The following SLIRP variants were observed in gnomAD, a reference collection of about 807,000 sequenced individuals.
SLIRP encodes the protein SRA stem-loop interacting RNA binding protein.
Under a neutral mutation model 13.4 loss-of-function variants are expected in SLIRP, and 12 were observed. The observed-to-expected ratio is 0.89, with a 90% CI of 0.57 to 1.45. SLIRP has a LOEUF of 1.45. Ranked by LOEUF, SLIRP falls within the 40% of genes most tolerant of loss-of-function variation. The pLI, the probability that SLIRP is intolerant of heterozygous loss-of-function variation, is 0.00. For missense variants in SLIRP, 154 were observed against 132.2 expected (o/e 1.17, Z -0.81); for synonymous variants, 55 against 47.1 (o/e 1.17, Z -0.69).
chr14:77,711,112 AG>A (rs2080436878), intron 2 of SLIRP, among the ~76,000 whole-genome samples: 1 of 151,888 alleles, frequency 6.6e-6, no homozygotes, highest in African/African-American at 2.4e-5. Context: ...TAAATGCTTG[AG>A]GGGATAGATA....
At chr14:77,713,509 A>G (rs1393005865) in intron 2 of SLIRP, among the ~76,000 whole-genome samples, 1 of 152,180 alleles carries the variant, frequency 6.6e-6, no homozygotes, top group African/African-American at 2.4e-5. Flanking sequence ...CTGGCACTCA[A>G]GTTGTTGAGA....
chr14:77,708,275 T>C, intron 1 of SLIRP, 67 bp downstream of exon 1: 1 of 1,517,988 alleles, frequency 6.6e-7, no homozygotes. Context: ...CTTCTGCTTT[T>C]TGCAGGGTAC....
At chr14:77,714,660 A>G (rs368921820) in intron 2 of SLIRP, among the ~76,000 whole-genome samples, 1 of 152,222 alleles carries the variant, frequency 6.6e-6, no homozygotes, top group Non-Finnish European at 1.5e-5. Flanking sequence ...CAATAAAGGA[A>G]TGCTTTAGAA....
intron 1 of SLIRP, among the ~76,000 whole-genome samples, chr14:77,709,437 C>G (rs1383179245): frequency 1.3e-5 from 2 of 152,200 alleles, no homozygotes; most frequent in African/African-American, 2.4e-5. Flanking sequence ...TAAAGTCTCC[C>G]GTAGTCCCTG....
At chr14:77,708,592 G>A (rs1165087452) in intron 1 of SLIRP, among the ~76,000 whole-genome samples, 1 of 152,202 alleles carries the variant, frequency 6.6e-6, no homozygotes, top group East Asian at 1.9e-4. Flanking sequence ...ACCTGAATTA[G>A]GGCGATGGTA....
At chr14:77,709,446 T>C (rs1422201708) in intron 1 of SLIRP, among the ~76,000 whole-genome samples, 1 of 152,220 alleles carries the variant, frequency 6.6e-6, no homozygotes, top group Non-Finnish European at 1.5e-5. Context: ...CCGTAGTCCC[T>C]GTGAAACTTT....
Position 77,708,128 on chromosome 14 carries a change from C to G in SLIRP, c.17C>G (p.Ala6Gly). 3 of 1,614,092 alleles carry G rather than the reference C, an allele frequency of 1.9e-6. No individual in the cohort carries two copies. Among genetic ancestry groups the G allele is most frequent in the Non-Finnish European group, 2.5e-6 (3 of 1,180,022 alleles). ...AGTCTGAAGATGGCGGCCTCAGCAG[C>G]GAGAGGTGCTGCGGCGCTGCGTAGA... MAASA[A>G]RGAAALRRSI... Residue 6 changes from alanine (A) to glycine (G), a missense_variant, in exon 1 of 4, where the codon GCG becomes GGG. Transcript: ENST00000557342.
chr14:77,708,154 A>C lies in SLIRP; in HGVS notation c.43A>C (p.Ser15Arg). The change falls in exon 1 of 4, where the codon AGT becomes CGT. Residue 15 changes from serine to arginine, a missense_variant. By Grantham distance (110) the Ser-to-Arg change is moderately radical. Transcript: ENST00000557342. ...AARGAAALRR[S>R]INQPVAFVRR... ...GAGAGGTGCTGCGGCGCTGCGTAGAAGTATCAATCAGCCGGTTGCTTTTGT... is the reference window on the plus strand; with the variant it reads ...GAGAGGTGCTGCGGCGCTGCGTAGACGTATCAATCAGCCGGTTGCTTTTGT... The C allele has an allele frequency of 1.2e-6, 2 of 1,614,206 alleles. No individual in the cohort carries two copies. Among genetic ancestry groups the C allele is most frequent in the Non-Finnish European group, 1.7e-6 (2 of 1,180,032 alleles).
intron 3 of SLIRP, chr14:77,716,493 CAAA>C (rs1483348482): frequency 6.7e-6 from 1 of 150,292 alleles, no homozygotes; most frequent in African/African-American, 2.4e-5. Flanking sequence ...ACTAAAAATA[CAAA>C]AAAAATTAGA....
Position 77,717,559 on chromosome 14 carries a change from T to TAAAA in SLIRP, c.328_329insAAAA (p.Ter110=). On this transcript the variant is annotated frameshift_variant and stop_retained_variant, in exon 4 of 4. Coordinates refer to ENST00000557342, the MANE Select transcript of SLIRP (RefSeq NM_031210.6). LOFTEE classifies it high-confidence loss of function. ...ATCTGATGATGAAAAGAAAGATTTT[T>TAAAA]GAGACTGCAGCCTATTAATAAAGTT... The TAAAA allele has an allele frequency of 1.7e-5, 27 of 1,613,254 alleles. No individual in the cohort carries two copies. The highest frequency in any genetic ancestry group is 2.1e-5 in the Non-Finnish European group (25 of 1,179,422).
At chr14:77,717,074 C>T (rs1002858249) in intron 3 of SLIRP, among the ~76,000 whole-genome samples, 2 of 152,152 alleles carry the variant, frequency 1.3e-5, no homozygotes, top group Non-Finnish European at 2.9e-5. Context: ...CAGCAGTCTG[C>T]TTTTCAGGTC....
At chr14:77,711,216 AATAT>A (rs1446433599) in intron 2 of SLIRP, among the ~76,000 whole-genome samples, 1 of 119,512 alleles carries the variant, frequency 8.4e-6, no homozygotes, top group East Asian at 2.0e-4. Flanking sequence ...TATATATATA[AATAT>A]ATAAATATAT....
In SLIRP at chr14:77,712,647, T is replaced by C. The variant is rs190659386; in HGVS notation, c.156+1751T>C. Among the ~76,000 whole-genome samples the C allele has an allele frequency of 1.4e-3, 218 of 152,292 alleles. 1 individual carries two copies. The highest frequency in any genetic ancestry group is 2.5e-3 in the Non-Finnish European group (168 of 68,030). On this transcript the variant is annotated intron_variant, in intron 2 of 3. Transcript: ENST00000557342. ...TTTTAGTAGAGATGGAGTTTCGCTA[T>C]GTTGGCCAGGCTGGTCTCGAACTCC... is the stretch of plus-strand genomic sequence containing the variant.
chr14:77,717,464 C>G (rs564844413), intron 3 of SLIRP, 32 bp from the exon 4 acceptor site: 2 of 1,594,314 alleles, frequency 1.3e-6, no homozygotes, highest in East Asian at 2.2e-5. Flanking sequence ...CAGACATTGC[C>G]TTTCCTCCCT....
chr14:77,717,520 A>G lies in SLIRP; in HGVS notation c.289A>G (p.Lys97Glu). The G allele has an allele frequency of 6.2e-7, 1 of 1,614,146 alleles. No individual in the cohort carries two copies. Among genetic ancestry groups the G allele is most frequent in the Non-Finnish European group, 8.5e-7 (1 of 1,180,006 alleles). ...VKVQVHTRRP[K>E]LPQTSDDEKK... ...GGTCCAGGTTCACACTAGAAGGCCA[A>G]AACTTCCGCAAACATCTGATGATGA... The change falls in exon 4 of 4, where the codon AAA becomes GAA. Residue 97 changes from lysine (K) to glutamate (E), a missense_variant. Lys to Glu is a moderately conservative substitution (Grantham distance 56). Coordinates refer to ENST00000557342, the MANE Select transcript of SLIRP (RefSeq NM_031210.6).
At chr14:77,710,650 C>CTCGG in intron 1 of SLIRP, 188 bp from the exon 2 acceptor site, 1 of 1,530,074 alleles carries the variant, frequency 6.5e-7, no homozygotes, top group Non-Finnish European at 8.8e-7. Context: ...CTCTGTCCAT[C>CTCGG]TCACCACCAA....
At chr14:77,708,724 A>G (rs566772553) in intron 1 of SLIRP, among the ~76,000 whole-genome samples, 8 of 152,212 alleles carry the variant, frequency 5.3e-5, no homozygotes, top group Non-Finnish European at 1.2e-4. Flanking sequence ...GGTTTTTAGC[A>G]TTGGTGAATT....
intron 3 of SLIRP, among the ~76,000 whole-genome samples, chr14:77,716,929 T>A (rs549797924): frequency 1.3e-5 from 2 of 151,840 alleles, no homozygotes; most frequent in African/African-American, 2.4e-5. Context: ...GCACTGCTAA[T>A]TTTTTTTGTA....
At chr14:77,711,203 A>G (rs1457195997) in intron 2 of SLIRP, among the ~76,000 whole-genome samples, 1 of 145,650 alleles carries the variant, frequency 6.9e-6, no homozygotes, top group Non-Finnish European at 1.5e-5. Context: ...AAATATACAT[A>G]TTTATATATA....
Sources: gnomAD v4.1 joint callset for allele counts (sites outside exome capture counted in the v4.1 genomes callset) on GRCh38, gnomAD v4.1.1 for gene constraint, MANE v1.5 for transcripts, NCBI Gene and HGNC (gene_info 2026-07-23, HGNC 2026-07-21) for gene names.